Variants in PLXNA4 observed in about 807,000 individuals in gnomAD.
PLXNA4 encodes the protein plexin A4.
PLXNA4 carries 44 observed loss-of-function variants against 191.8 expected under a neutral mutation model. That is an observed-to-expected ratio of 0.23 (90% CI 0.18 to 0.29). PLXNA4 has a LOEUF of 0.29. Ranked by LOEUF, PLXNA4 falls within the 10% of genes least tolerant of loss-of-function variation. PLXNA4 has a pLI of 1.00. For synonymous variants in PLXNA4, 1,082 were observed against 1,009.5 expected, an observed-to-expected ratio of 1.07 and a Z score of -1.36; for missense variants, 1,800 against 2,488.8, an observed-to-expected ratio of 0.72 and a Z score of 5.89.
At chr7:132,191,422 G>A (rs941741308) in intron 14 of PLXNA4, among the ~76,000 whole-genome samples, 1 of 152,184 alleles carries the variant, frequency 6.6e-6, no homozygotes, top group Non-Finnish European at 1.5e-5. Flanking sequence ...CAGCCTGGGT[G>A]GGCCAAGTGG....
chr7:132,641,900 C>A (rs1242252519), intron 2 of PLXNA4, among the ~76,000 whole-genome samples: 4 of 152,168 alleles, frequency 2.6e-5, no homozygotes, highest in Admixed American at 1.3e-4. Flanking sequence ...GTCCAGCCCA[C>A]AGCATCATAA....
chr7:132,626,583 T>G (rs1803378112), intron 2 of PLXNA4, among the ~76,000 whole-genome samples: 1 of 152,212 alleles, frequency 6.6e-6, no homozygotes, highest in Admixed American at 6.5e-5. Context: ...TCTCTCTTGC[T>G]CCTGCTCCGG....
intron 5 of PLXNA4, among the ~76,000 whole-genome samples, chr7:132,234,593 G>T (rs1384856373): frequency 2.1e-5 from 2 of 94,266 alleles, no homozygotes; most frequent in Non-Finnish European, 3.9e-5. Context: ...TGAAGCATGT[G>T]TTTTGTGTGT....
At chr7:132,275,308 C>T (rs979875028) in intron 4 of PLXNA4, among the ~76,000 whole-genome samples, 4 of 152,090 alleles carry the variant, frequency 2.6e-5, no homozygotes, top group Admixed American at 1.3e-4. Flanking sequence ...CAGCTTCCCC[C>T]AATGGTTATA....
At chr7:132,302,879 G>T (rs1240259185) in intron 3 of PLXNA4, among the ~76,000 whole-genome samples, 3 of 152,214 alleles carry the variant, frequency 2.0e-5, no homozygotes, top group East Asian at 1.9e-4. Flanking sequence ...TTGTTTGTTT[G>T]TTTGTTTTTG....
intron 3 of PLXNA4, among the ~76,000 whole-genome samples, chr7:132,482,097 C>G (rs1374764312): frequency 6.6e-6 from 1 of 152,172 alleles, no homozygotes; most frequent in Admixed American, 6.5e-5. Context: ...AAACAAAGCC[C>G]TCATGTAGAA....
rs182957989 is a variant in PLXNA4, at chr7:132,538,763, C to T, written c.-86-29984G>A. Among the ~76,000 whole-genome samples the T allele has an allele frequency of 2.6e-5, 4 of 152,254 alleles. No homozygotes were observed. In the East Asian group the frequency reaches 7.7e-4, roughly 29 times the overall value. ...GCCGCACCCCTTGTCCATTATCTCC[C>T]GGCTTCCCACACTTTGATTCCAGCT... On this transcript the variant is annotated intron_variant, in intron 1 of 31. Transcript: ENST00000321063.
In PLXNA4 at chr7:132,124,066, T is replaced by G. The variant is rs1274586210; in HGVS notation, c.*6413A>C. 4 of 152,244 alleles carry G rather than the reference T, an allele frequency of 2.6e-5. No homozygotes were observed. The highest frequency in any genetic ancestry group is 5.9e-5 in the Non-Finnish European group (4 of 68,076). The allele number at this position is 152,244 out of a possible 1,614,324, so 9.4% of individuals were successfully genotyped here. A position where few individuals can be genotyped will look rare whatever the true frequency, so the allele number is the denominator to read the frequency against. On this transcript the variant is annotated 3_prime_UTR_variant, in exon 32 of 32. Coordinates refer to ENST00000321063, the MANE Select transcript of PLXNA4 (RefSeq NM_020911.2). The stretch of plus-strand genomic sequence containing the variant: ...TGGCATCCAATCCTTCCTTCCCACC[T>G]CAGGGCCTGGAGGCCTTGTTCCTGC...
chr7:132,298,264 G>A, intron 3 of PLXNA4, 42 bp from the exon 4 acceptor site: 1 of 1,579,322 alleles, frequency 6.3e-7, no homozygotes, highest in East Asian at 2.2e-5. Context: ...TTCAGATCCT[G>A]CACTGCCCAC....
At chr7:132,633,834 A>G (rs1803541237) in intron 2 of PLXNA4, among the ~76,000 whole-genome samples, 1 of 151,934 alleles carries the variant, frequency 6.6e-6, no homozygotes, top group African/African-American at 2.4e-5. Flanking sequence ...AGAAATGCAA[A>G]CCTGTGATTC....
chr7:132,247,624 G>T (rs1799104369), intron 4 of PLXNA4, among the ~76,000 whole-genome samples: 1 of 152,134 alleles, frequency 6.6e-6, no homozygotes, highest in Non-Finnish European at 1.5e-5. Flanking sequence ...TGGTCTTGGG[G>T]AGCTCCTCAA....
chr7:132,513,942 C>T (rs1798837603), intron 1 of PLXNA4, among the ~76,000 whole-genome samples: 1 of 152,026 alleles, frequency 6.6e-6, no homozygotes, highest in South Asian at 2.1e-4. Flanking sequence ...TCCCAAAGTG[C>T]TGGGATTATG....
chr7:132,220,126 A>G (rs1187275288), intron 9 of PLXNA4, among the ~76,000 whole-genome samples: 1 of 152,260 alleles, frequency 6.6e-6, no homozygotes, highest in Non-Finnish European at 1.5e-5. Flanking sequence ...ACATAAAAAA[A>G]TCCTCATATT....
chr7:132,205,209 T>C (rs1047219827), intron 10 of PLXNA4, among the ~76,000 whole-genome samples: 1 of 152,100 alleles, frequency 6.6e-6, no homozygotes, highest in African/African-American at 2.4e-5. Flanking sequence ...GGTCCTAAGT[T>C]GTCCTGAAAA....
In PLXNA4 at chr7:132,434,179, C is replaced by T. The variant is rs541561103; in HGVS notation, c.1371+55113G>A. Among the ~76,000 whole-genome samples the T allele has an allele frequency of 2.3e-4, 35 of 152,334 alleles. No individual in the cohort carries two copies. The South Asian group carries it at 6.8e-3, about 30-fold the overall frequency. The stretch of plus-strand genomic sequence containing the variant: ...TGACACTTTGCTTTTGTCTCTCCTT[C>T]TCTCTCCCCAGTGCCCTCACTGGCA... On this transcript the variant is annotated intron_variant, in intron 3 of 31. Transcript: ENST00000321063.
At chr7:132,404,722 C>T (rs1794138755) in intron 3 of PLXNA4, among the ~76,000 whole-genome samples, 1 of 152,148 alleles carries the variant, frequency 6.6e-6, no homozygotes, top group South Asian at 2.1e-4. Context: ...ACAGCGCCAC[C>T]TCATAGGGGT....
chr7:132,597,837 T>G (rs549068824), intron 2 of PLXNA4, among the ~76,000 whole-genome samples: 1 of 111,486 alleles, frequency 9.0e-6, no homozygotes, highest in African/African-American at 3.2e-5. Flanking sequence ...CCATCCATGT[T>G]GCGCTCTCTC....
At chr7:132,156,889 T>C (rs1795816060) in intron 25 of PLXNA4, among the ~76,000 whole-genome samples, 1 of 152,136 alleles carries the variant, frequency 6.6e-6, no homozygotes, top group Non-Finnish European at 1.5e-5. Context: ...GCCTAGAGCT[T>C]TGTAAGCAGC....
intron 1 of PLXNA4, among the ~76,000 whole-genome samples, chr7:132,529,716 C>G (rs565877241): frequency 6.6e-6 from 1 of 151,958 alleles, no homozygotes; most frequent in South Asian, 2.1e-4. Context: ...TGTCATTCTC[C>G]TGCCTCAGCC....
Sources: gnomAD v4.1 joint callset for allele counts (sites outside exome capture counted in the v4.1 genomes callset) on GRCh38, gnomAD v4.1.1 for gene constraint, MANE v1.5 for transcripts, NCBI Gene and HGNC (gene_info 2026-07-23, HGNC 2026-07-21) for gene names.